The following PCDH9 variants were observed in gnomAD, a reference collection of about 807,000 sequenced individuals.
The protein encoded by PCDH9 is protocadherin-9.
In PCDH9, 24 loss-of-function variants were observed where a neutral mutation model predicts 70.6. The observed-to-expected ratio is 0.34, with a 90% CI of 0.25 to 0.48. PCDH9 has a LOEUF of 0.48. Ranked by LOEUF, PCDH9 falls within the 20% of genes least tolerant of loss-of-function variation. The pLI is 0.99. For missense variants in PCDH9, 1,281 were observed against 1,503.6 expected, an observed-to-expected ratio of 0.85 and a Z score of 2.45; for synonymous variants, 562 against 558.5, an observed-to-expected ratio of 1.01 and a Z score of -0.09.
chr13:67,157,258 C>T (rs1041039295), intron 2 of PCDH9, among the ~76,000 whole-genome samples: 15 of 152,056 alleles, frequency 9.9e-5, no homozygotes, highest in African/African-American at 3.4e-4. Context: ...ATATATTTCA[C>T]GTAGGTCACT....
chr13:66,799,347 T>C (rs752620069), intron 3 of PCDH9, among the ~76,000 whole-genome samples: 1 of 152,150 alleles, frequency 6.6e-6, no homozygotes, highest in Non-Finnish European at 1.5e-5. Flanking sequence ...ACACACATCA[T>C]GCCAATGACA....
intron 3 of PCDH9, among the ~76,000 whole-genome samples, chr13:66,846,467 C>T (rs893920053): frequency 3.3e-5 from 5 of 152,060 alleles, no homozygotes; most frequent in Admixed American, 1.3e-4. Context: ...AAGTGGAAAA[C>T]AATTAAATCA....
intron 2 of PCDH9, among the ~76,000 whole-genome samples, chr13:66,922,945 G>A (rs1039961836): frequency 6.6e-6 from 1 of 150,866 alleles, no homozygotes; most frequent in Non-Finnish European, 1.5e-5. Context: ...TTAGAAGTGT[G>A]TTTTTTCACT....
At chr13:67,033,713 C>T (rs1023023280) in intron 2 of PCDH9, among the ~76,000 whole-genome samples, 2 of 152,130 alleles carry the variant, frequency 1.3e-5, no homozygotes, top group African/African-American at 4.8e-5. Context: ...AATCACTCTG[C>T]TTTCTGCAAT....
chr13:66,476,461 G>A (rs948778709), intron 4 of PCDH9, among the ~76,000 whole-genome samples: 9 of 151,872 alleles, frequency 5.9e-5, no homozygotes, highest in African/African-American at 1.9e-4. Flanking sequence ...TATTCCATTT[G>A]ATGATTTGCA....
intron 2 of PCDH9, among the ~76,000 whole-genome samples, chr13:67,161,858 A>G (rs1415819172): frequency 6.6e-6 from 1 of 152,206 alleles, no homozygotes; most frequent in Non-Finnish European, 1.5e-5. Context: ...TTATAATAGT[A>G]GCAACGACAC....
chr13:66,668,696 A>C (rs954574980), intron 3 of PCDH9, among the ~76,000 whole-genome samples: 1 of 152,180 alleles, frequency 6.6e-6, no homozygotes, highest in Admixed American at 6.5e-5. Flanking sequence ...GGCTTTCATC[A>C]GTGAAAATTT....
intron 4 of PCDH9, among the ~76,000 whole-genome samples, chr13:66,619,548 T>C (rs1316627605): frequency 6.6e-6 from 1 of 152,184 alleles, no homozygotes; most frequent in Non-Finnish European, 1.5e-5. Flanking sequence ...GATACATGTT[T>C]TGCTGCTTCT....
At chr13:66,481,035 T>A (rs149485261) in intron 4 of PCDH9, among the ~76,000 whole-genome samples, 329 of 152,072 alleles carry the variant, frequency 2.2e-3, no homozygotes, top group African/African-American at 7.6e-3. Flanking sequence ...CTGGAAATCA[T>A]CAGCAAACTA....
chr13:67,204,974 T>G (rs988219409), intron 2 of PCDH9: 2 of 152,204 alleles, frequency 1.3e-5, no homozygotes, highest in African/African-American at 4.8e-5. Context: ...CTTTTATGTT[T>G]GGTCTAATTA....
intron 3 of PCDH9, among the ~76,000 whole-genome samples, chr13:66,701,154 T>C (rs2078641470): frequency 6.6e-6 from 1 of 151,486 alleles, no homozygotes; most frequent in Admixed American, 6.6e-5. Flanking sequence ...ACCATTTATA[T>C]GAGGAAGAGC....
intron 2 of PCDH9, among the ~76,000 whole-genome samples, chr13:66,952,469 A>T (rs1237410816): frequency 2.6e-5 from 4 of 151,998 alleles, no homozygotes; most frequent in African/African-American, 9.7e-5. Context: ...TTTATATTCT[A>T]TTTTTTCTGA....
chr13:66,425,247 T>C (rs1335170514), intron 4 of PCDH9, among the ~76,000 whole-genome samples: 1 of 151,696 alleles, frequency 6.6e-6, no homozygotes, highest in East Asian at 1.9e-4. Flanking sequence ...ACATTACAGG[T>C]AAAGACTGCA....
intron 2 of PCDH9, among the ~76,000 whole-genome samples, chr13:67,002,171 T>A (rs1190537455): frequency 6.6e-6 from 1 of 152,140 alleles, no homozygotes; most frequent in Admixed American, 6.5e-5. Flanking sequence ...CATTAATTGT[T>A]AAAATATAGA....
chr13:67,043,223 G>T (rs2085156842), intron 2 of PCDH9, among the ~76,000 whole-genome samples: 1 of 152,148 alleles, frequency 6.6e-6, no homozygotes, highest in African/African-American at 2.4e-5. Flanking sequence ...GAAAGTTCCT[G>T]TTGGAATCAG....
At chr13:67,058,656 C>T (rs780689469) in intron 2 of PCDH9, among the ~76,000 whole-genome samples, 11 of 152,038 alleles carry the variant, frequency 7.2e-5, no homozygotes, top group Non-Finnish European at 1.3e-4. Flanking sequence ...TAACAGTATG[C>T]CCATGATCAA....
intron 4 of PCDH9, among the ~76,000 whole-genome samples, chr13:66,472,819 G>A (rs970547560): frequency 6.6e-6 from 1 of 152,172 alleles, no homozygotes; most frequent in Non-Finnish European, 1.5e-5. Context: ...AAAAGAATAT[G>A]AGAATCAAGA....
intron 3 of PCDH9, among the ~76,000 whole-genome samples, chr13:66,765,221 T>C (rs1306625541): frequency 6.6e-6 from 1 of 151,972 alleles, no homozygotes; most frequent in African/African-American, 2.4e-5. Flanking sequence ...ACTTTAGAAA[T>C]CAAAGATTTG....
chr13:66,770,932 C>T (rs1466164098), intron 3 of PCDH9, among the ~76,000 whole-genome samples: 1 of 152,228 alleles, frequency 6.6e-6, no homozygotes, highest in Non-Finnish European at 1.5e-5. Flanking sequence ...TGCTTCTCAT[C>T]ACTCCAGGTT....
Sources: gnomAD v4.1 joint callset for allele counts (sites outside exome capture counted in the v4.1 genomes callset) on GRCh38, gnomAD v4.1.1 for gene constraint, MANE v1.5 for transcripts, NCBI Gene and HGNC (gene_info 2026-07-23, HGNC 2026-07-21) for gene names.